The following RIN2 variants were observed in gnomAD, a reference collection of about 807,000 sequenced individuals.
The protein encoded by RIN2 is Ras and Rab interactor 2.
A neutral mutation model predicts 78.0 loss-of-function variants in RIN2; 36 were observed. The ratio of observed to expected loss-of-function variants is 0.46; its 90% CI spans 0.35 to 0.61. The LOEUF (loss-of-function observed/expected upper bound fraction) is 0.61. RIN2 is among the 20% of genes least tolerant of loss of function. RIN2 has a pLI of 0.00. For synonymous variants in RIN2, 466 were observed against 466.8 expected (o/e 1.00, Z 0.02); for missense variants, 1,087 against 1,159.7 (o/e 0.94, Z 0.91).
chr20:19,929,730 G>A (rs1300242848), intron 3 of RIN2, among the ~76,000 whole-genome samples: 5 of 152,128 alleles, frequency 3.3e-5, no homozygotes, highest in Admixed American at 2.0e-4. Context: ...TTTGTTGGGT[G>A]ACAAGTTATT....
intron 3 of RIN2, among the ~76,000 whole-genome samples, chr20:19,911,832 G>C (rs149924896): frequency 3.1e-4 from 47 of 152,314 alleles, no homozygotes; most frequent in African/African-American, 1.1e-3. Flanking sequence ...ACCTGTTACT[G>C]GCTTTGAATG....
At chr20:19,933,153 C>T (rs950031379) in intron 3 of RIN2, among the ~76,000 whole-genome samples, 1 of 152,194 alleles carries the variant, frequency 6.6e-6, no homozygotes, top group Non-Finnish European at 1.5e-5. Flanking sequence ...CCTTTCCAAC[C>T]ACCTCAGTGC....
chr20:19,850,990 A>AAACG (rs2036941164), intron 2 of RIN2, among the ~76,000 whole-genome samples: 1 of 99,264 alleles, frequency 1.0e-5, no homozygotes, highest in African/African-American at 4.1e-5. Context: ...GAAAGGGAGA[A>AAACG]AAGGAAGGAA....
At chr20:19,763,617 AAC>A (rs775532813) in intron 1 of RIN2, among the ~76,000 whole-genome samples, 1 of 152,200 alleles carries the variant, frequency 6.6e-6, no homozygotes. Context: ...TGAAAGTTTA[AAC>A]ACAGTCATTT....
At chr20:19,929,669 C>G (rs114662978) in intron 3 of RIN2, among the ~76,000 whole-genome samples, 1,738 of 152,262 alleles carry the variant, frequency 0.011, 41 homozygotes, top group African/African-American at 0.04. Flanking sequence ...GCCTGTAGCA[C>G]CAACTGCTAT....
chr20:19,926,501 A>G (rs917731915), intron 3 of RIN2, among the ~76,000 whole-genome samples: 2 of 151,996 alleles, frequency 1.3e-5, no homozygotes, highest in Non-Finnish European at 2.9e-5. Flanking sequence ...ATTATTTTCC[A>G]GACTAGTTTA....
intron 7 of RIN2, among the ~76,000 whole-genome samples, chr20:19,969,286 G>C (rs1369315076): frequency 1.3e-5 from 2 of 152,120 alleles, no homozygotes; most frequent in African/African-American, 2.4e-5. Context: ...TGATGACAAA[G>C]TCCAGGCAGG....
intron 3 of RIN2, among the ~76,000 whole-genome samples, chr20:19,904,655 G>C (rs1230914860): frequency 6.6e-6 from 1 of 152,204 alleles, no homozygotes; most frequent in African/African-American, 2.4e-5. Flanking sequence ...AGGCCGGAAG[G>C]GCAGGAGGGG....
At chr20:19,995,269 A>AG (rs2042921159) in intron 11 of RIN2, among the ~76,000 whole-genome samples, 1 of 151,352 alleles carries the variant, frequency 6.6e-6, no homozygotes, top group Non-Finnish European at 1.5e-5. Flanking sequence ...TTTAAAAAAA[A>AG]AAAAAAAAAC....
At chr20:19,761,733 A>G (rs1600386288) in intron 1 of RIN2, among the ~76,000 whole-genome samples, 1 of 152,180 alleles carries the variant, frequency 6.6e-6, no homozygotes, top group East Asian at 1.9e-4. Flanking sequence ...TGATCTGTGT[A>G]TCCAATTAAC....
At chr20:19,816,258 C>G (rs2035763099) in intron 2 of RIN2, among the ~76,000 whole-genome samples, 1 of 152,278 alleles carries the variant, frequency 6.6e-6, no homozygotes, top group South Asian at 2.1e-4. Context: ...ATCAATTATT[C>G]TCCATAAGTT....
rs1226883943 is a variant in RIN2, at chr20:19,889,425, G to A, written c.-36-141G>A. The A allele has an allele frequency of 4.4e-6, 5 of 1,132,562 alleles. No homozygotes were observed. The East Asian group carries it at 9.0e-5, about 20-fold the overall frequency. 70.2% of individuals were successfully genotyped at this position (1,132,562 alleles called of 1,614,324 possible). On this transcript the variant is annotated intron_variant, in intron 2 of 12. Transcript: ENST00000255006. ...ACAGGAAATTGGGCTGAAGGGAGAT[G>A]TAAGGCCTTGGTGGGAAATAAATGG...
intron 4 of RIN2, among the ~76,000 whole-genome samples, chr20:19,951,438 T>G (rs767796265): frequency 1.8e-4 from 27 of 152,322 alleles, no homozygotes; most frequent in Non-Finnish European, 2.8e-4. Context: ...ACATGGTACC[T>G]TCTCAGAGCC....
intron 2 of RIN2, among the ~76,000 whole-genome samples, chr20:19,867,008 AT>A (rs11468347): frequency 0.51 from 76,959 of 150,996 alleles, 20,739 homozygotes; most frequent in East Asian, 0.7. Context: ...GTTTATTTTT[AT>A]TTTTTTTTTT....
At chr20:19,782,885 A>G (rs1194693848) in intron 1 of RIN2, among the ~76,000 whole-genome samples, 1 of 152,230 alleles carries the variant, frequency 6.6e-6, no homozygotes, top group African/African-American at 2.4e-5. Context: ...GTTTGACTGC[A>G]TCCCCTGCCT....
At chr20:19,909,159 C>A (rs967281712) in intron 3 of RIN2, among the ~76,000 whole-genome samples, 1 of 152,078 alleles carries the variant, frequency 6.6e-6, no homozygotes, top group African/African-American at 2.4e-5. Flanking sequence ...CCACCGCGCC[C>A]AGTCTGCTCT....
intron 2 of RIN2, among the ~76,000 whole-genome samples, chr20:19,804,995 C>T (rs1238535300): frequency 6.6e-6 from 1 of 152,110 alleles, no homozygotes; most frequent in Non-Finnish European, 1.5e-5. Context: ...GTAATTTATC[C>T]ATTTCTGCTA....
chr20:19,828,229 T>TGCTGA lies in RIN2; in HGVS notation c.-37+28482_-37+28483insGCTGA, dbSNP rs2036153216. The stretch of plus-strand genomic sequence containing the variant: ...CACAAAATTTATCAGCACAACTGAG[T>TGCTGA]TTCCCATTCCTAGCTTTTGTGAACA... On this transcript the variant is annotated intron_variant, in intron 2 of 12. Transcript: ENST00000255006. Among the ~76,000 whole-genome samples the TGCTGA allele has an allele frequency of 4.6e-5, 7 of 152,318 alleles. No homozygotes were observed. In the South Asian group the frequency reaches 1.4e-3, roughly 32 times the overall value.
At chr20:19,965,770 C>A (rs1398632757) in intron 7 of RIN2, among the ~76,000 whole-genome samples, 1 of 152,096 alleles carries the variant, frequency 6.6e-6, no homozygotes, top group Non-Finnish European at 1.5e-5. Flanking sequence ...TACCACTATG[C>A]CTGGCTAATT....
Sources: allele counts gnomAD v4.1 joint callset (sites outside exome capture counted in the v4.1 genomes callset), GRCh38; gene constraint gnomAD v4.1.1; transcripts MANE v1.5; gene names NCBI Gene and HGNC (gene_info 2026-07-23, HGNC 2026-07-21).